The following IKZF2 variants were observed in gnomAD, a reference collection of about 807,000 sequenced individuals.
IKZF2 encodes the protein zinc finger protein Helios.
A neutral mutation model predicts 49.2 loss-of-function variants in IKZF2; 15 were observed. The ratio of observed to expected loss-of-function variants is 0.30; its 90% CI spans 0.20 to 0.47. IKZF2 has a LOEUF of 0.47. Ranked by LOEUF, IKZF2 falls within the 20% of genes least tolerant of loss-of-function variation. The pLI is 1.00. For synonymous variants in IKZF2, 227 were observed against 221.4 expected (o/e 1.03, Z -0.23); for missense variants, 567 against 664.6 (o/e 0.85, Z 1.61).
Position 213,007,368 on chromosome 2 carries a change from A to G in IKZF2, c.1573T>C (p.Phe525Leu), listed in dbSNP as rs746134768. Residue 525 changes from phenylalanine to leucine, a missense_variant, in exon 9 of 9, where the codon TTC becomes CTC. Physicochemically the swap from Phe to Leu is conservative, Grantham distance 22. This residue lies in a region of IKZF2 where 25 missense variants were observed against 27.0 expected (regional missense o/e 0.93). Transcript: ENST00000434687. ...SSHIVRGEHT[F>L]H ...CTTTGGAATGAAAAGGCCTAGTGGAATGTGTGCTCCCCTCGAACAATGTGT... is the reference window on the plus strand; with the variant it reads ...CTTTGGAATGAAAAGGCCTAGTGGAGTGTGTGCTCCCCTCGAACAATGTGT... 1.1e-5 allele frequency: 17 copies of G among 1,612,752 alleles called. No individual in the cohort carries two copies. The highest frequency in any genetic ancestry group is 6.7e-5 in the Admixed American group (4 of 59,894).
At chr2:213,127,674 C>G (rs918340078) in intron 4 of IKZF2, among the ~76,000 whole-genome samples, 1 of 152,150 alleles carries the variant, frequency 6.6e-6, no homozygotes, top group African/African-American at 2.4e-5. Context: ...AGCATAAAGA[C>G]AGCTAATCCA....
intron 4 of IKZF2, chr2:213,081,358 A>G (rs1165903890): frequency 6.5e-6 from 1 of 153,108 alleles, no homozygotes; most frequent in Non-Finnish European, 1.5e-5. Context: ...GATGCAGGAC[A>G]GGTGATTGGC....
At chr2:213,109,231 T>C (rs943134134) in intron 4 of IKZF2, among the ~76,000 whole-genome samples, 2 of 152,080 alleles carry the variant, frequency 1.3e-5, no homozygotes, top group African/African-American at 2.4e-5. Context: ...AAGTAAAACA[T>C]GCAAGCAGAC....
chr2:213,053,288 GT>G (rs1381919876), intron 5 of IKZF2, among the ~76,000 whole-genome samples: 1 of 151,672 alleles, frequency 6.6e-6, no homozygotes, highest in Non-Finnish European at 1.5e-5. Flanking sequence ...CTGTTGTTTT[GT>G]TTTTATTTTT....
intron 4 of IKZF2, among the ~76,000 whole-genome samples, chr2:213,071,852 C>T (rs1383598913): frequency 6.6e-6 from 1 of 151,908 alleles, no homozygotes; most frequent in Non-Finnish European, 1.5e-5. Flanking sequence ...ATATAATTGT[C>T]TTTTTTCACT....
In IKZF2 at chr2:213,003,016, G is replaced by T. The variant is rs1284641010; in HGVS notation, c.*4344C>A. On this transcript the variant is annotated 3_prime_UTR_variant, in exon 9 of 9. Transcript: ENST00000434687. ...AAAGGTAGTAAAGTCTAGTTTCAAA[G>T]TTTCCTTTTCCTTTTAACAGCTGAG... 1 of 151,940 alleles carries T rather than the reference G, an allele frequency of 6.6e-6. No individual in the cohort carries two copies. The highest frequency in any genetic ancestry group is 1.5e-5 in the Non-Finnish European group (1 of 67,604). 9.4% of individuals were successfully genotyped at this position (151,940 alleles called of 1,614,324 possible).
chr2:213,041,736 T>A (rs369216534), intron 6 of IKZF2, among the ~76,000 whole-genome samples: 2 of 152,234 alleles, frequency 1.3e-5, no homozygotes, highest in South Asian at 4.1e-4. Flanking sequence ...TATTATTTTT[T>A]TCTTTCTTAG....
At position 213,004,854 on chromosome 2, in the gene IKZF2, A is replaced by C. The variant is rs1695192350; in HGVS notation, c.*2506T>G. On this transcript the variant is annotated 3_prime_UTR_variant, in exon 9 of 9. Coordinates refer to ENST00000434687, the MANE Select transcript of IKZF2 (RefSeq NM_001387220.1). ...GTAGCAAATGCACTCTCAACTACTA[A>C]CTACCTTCAATAAAACAGATTCCCA... 2.0e-5 allele frequency: 3 copies of C among 152,360 alleles called. No homozygotes were observed. Among genetic ancestry groups the C allele is most frequent in the Non-Finnish European group, 2.9e-5 (2 of 67,924 alleles). 9.4% of individuals were successfully genotyped at this position (152,360 alleles called of 1,614,324 possible). A position where few individuals can be genotyped will look rare whatever the true frequency, so the allele number is the denominator to read the frequency against.
intron 4 of IKZF2, among the ~76,000 whole-genome samples, chr2:213,112,512 A>G (rs1270383207): frequency 1.3e-5 from 2 of 149,454 alleles, no homozygotes; most frequent in Non-Finnish European, 3.0e-5. Flanking sequence ...CCAGTGACAG[A>G]TTGTGCAGTG....
intron 4 of IKZF2, among the ~76,000 whole-genome samples, chr2:213,142,918 C>A (rs571762973): frequency 1.3e-5 from 2 of 151,904 alleles, no homozygotes; most frequent in Non-Finnish European, 2.9e-5. Context: ...ATAAAGGAAA[C>A]CATCCCTAAA....
chr2:213,071,695 A>G (rs192474202), intron 4 of IKZF2, among the ~76,000 whole-genome samples: 12 of 152,154 alleles, frequency 7.9e-5, no homozygotes, highest in African/African-American at 2.9e-4. Context: ...CAATTCACTT[A>G]AATTCCTGAA....
intron 4 of IKZF2, among the ~76,000 whole-genome samples, chr2:213,104,610 A>G (rs1574857925): frequency 6.6e-6 from 1 of 152,204 alleles, no homozygotes; most frequent in Non-Finnish European, 1.5e-5. Context: ...GATAGTACGC[A>G]GAGTACGAGG....
At position 213,007,673 on chromosome 2, in the gene IKZF2, T is replaced by C. The variant is rs764490616; in HGVS notation, c.1268A>G (p.His423Arg). 6 of 1,613,644 alleles carry C rather than the reference T, an allele frequency of 3.7e-6. No homozygotes were observed. The highest frequency in any genetic ancestry group is 4.2e-6 in the Non-Finnish European group (5 of 1,179,772). The change falls in exon 9 of 9, where the codon CAC becomes CGC. Residue 423 changes from histidine (H) to arginine (R), a missense_variant. Around this residue, in one of 5 missense-constraint regions of IKZF2, gnomAD observed 310 missense variants for 326.9 expected, o/e 0.95. Coordinates refer to ENST00000434687, the MANE Select transcript of IKZF2 (RefSeq NM_001387220.1). ...SHDDHQSYQG[H>R]PALNPKRKQS... ...TTTCCTCTTGGGATTTAAGGCAGGG[T>C]GTCCTTGGTAGGACTGGTGGTCATC... is the stretch of plus-strand genomic sequence containing the variant.
chr2:213,027,700 T>C (rs964497648), intron 6 of IKZF2, among the ~76,000 whole-genome samples: 2 of 152,286 alleles, frequency 1.3e-5, no homozygotes, highest in East Asian at 3.9e-4. Context: ...AAACTCATTT[T>C]CTCTTAACAT....
chr2:213,134,686 C>A (rs6757055), intron 4 of IKZF2, among the ~76,000 whole-genome samples: 144,631 of 152,318 alleles, frequency 0.95, 68,696 homozygotes, highest in East Asian at 1. Context: ...GCTTCTTTCT[C>A]CCGAATCTAA....
intron 4 of IKZF2, among the ~76,000 whole-genome samples, chr2:213,094,086 G>T (rs1187918257): frequency 1.3e-5 from 2 of 152,166 alleles, no homozygotes; most frequent in Admixed American, 6.6e-5. Flanking sequence ...AGAACATCTT[G>T]TGGGAAAAGG....
chr2:213,103,756 T>C (rs551338970), intron 4 of IKZF2, among the ~76,000 whole-genome samples: 2 of 151,886 alleles, frequency 1.3e-5, no homozygotes, highest in South Asian at 2.1e-4. Flanking sequence ...TCTATATAGA[T>C]GTGTTAAAGA....
chr2:213,126,411 CCGGTAATAAATA>C (rs1181559347), intron 4 of IKZF2, among the ~76,000 whole-genome samples: 4 of 152,062 alleles, frequency 2.6e-5, no homozygotes, highest in African/African-American at 9.7e-5. Context: ...CTAGGAGGTA[CCGGTAATAAATA>C]AACATTAGAG....
At chr2:213,027,408 T>G (rs187833445) in intron 6 of IKZF2, among the ~76,000 whole-genome samples, 12 of 152,258 alleles carry the variant, frequency 7.9e-5, no homozygotes, top group Non-Finnish European at 1.5e-4. Flanking sequence ...ACTTTTTATT[T>G]TGCTTGTGTT....
Sources: gnomAD v4.1 joint callset for allele counts (sites outside exome capture counted in the v4.1 genomes callset) on GRCh38, gnomAD v4.1.1 for gene constraint, gnomAD v4.1.1 regional missense constraint, MANE v1.5 for transcripts, NCBI Gene and HGNC (gene_info 2026-07-23, HGNC 2026-07-21) for gene names.